Variants in TTLL6 observed in about 807,000 individuals in gnomAD.
TTLL6 encodes tubulin polyglutamylase TTLL6.
TTLL6 carries 75 observed loss-of-function variants against 96.4 expected under a neutral mutation model. The ratio of observed to expected loss-of-function variants is 0.78; its 90% confidence interval spans 0.65 to 0.94. The LOEUF is 0.94. Ranked by LOEUF, TTLL6 falls within the 40% of genes least tolerant of loss-of-function variation. The pLI, the probability that TTLL6 is intolerant of heterozygous loss-of-function variation, is 0.00. For missense variants in TTLL6, 1,030 were observed against 1,093.0 expected (o/e 0.94, Z 0.81); for synonymous variants, 411 against 419.4 (o/e 0.98, Z 0.24).
intron 2 of TTLL6, chr17:48,804,472 C>T (rs987477919): frequency 5.9e-5 from 32 of 546,132 alleles, no homozygotes; most frequent in Non-Finnish European, 8.7e-5. Context: ...GACAAATCAG[C>T]GCCTTCTTAA....
intron 1 of TTLL6, among the ~76,000 whole-genome samples, chr17:48,813,877 G>A (rs781347053): frequency 3.9e-5 from 6 of 152,168 alleles, no homozygotes; most frequent in Non-Finnish European, 7.4e-5. Flanking sequence ...CCCTCTGCCA[G>A]TCTGTGCTAG....
chr17:48,808,840 G>C (rs562595459), intron 1 of TTLL6, among the ~76,000 whole-genome samples: 1 of 152,208 alleles, frequency 6.6e-6, no homozygotes, highest in Non-Finnish European at 1.5e-5. Context: ...CAAAGTGCTG[G>C]GATTACAGGC....
At position 48,789,925 on chromosome 17, in the gene TTLL6, A is replaced by C. The variant is rs1377079925; in HGVS notation, c.1400+6T>G. ...AGCCCCGCAAGGCTGGGGAGTGCGA[A>C]TGTACCTCATCTCCCGAGAACAACA... On this transcript the variant is annotated splice_donor_region_variant and intron_variant, in intron 10 of 15. Transcript: ENST00000393382. 6.2e-7 allele frequency: 1 copy of C among 1,613,670 alleles called. No homozygotes were observed. Among genetic ancestry groups the C allele is most frequent in the East Asian group, 2.2e-5 (1 of 44,866 alleles).
intron 1 of TTLL6, among the ~76,000 whole-genome samples, chr17:48,814,515 T>C (rs182224550): frequency 3.3e-5 from 5 of 152,238 alleles, no homozygotes; most frequent in Admixed American, 2.6e-4. Flanking sequence ...CCTTCCATTT[T>C]AGTATAGGGT....
At chr17:48,807,038 AAATT>A (rs907037366) in intron 1 of TTLL6, among the ~76,000 whole-genome samples, 7 of 152,212 alleles carry the variant, frequency 4.6e-5, no homozygotes, top group East Asian at 1.9e-4. Context: ...CTCAAAAAAA[AAATT>A]AATTAATTAA....
chr17:48,782,307 C>T (rs1281262321), intron 13 of TTLL6, among the ~76,000 whole-genome samples: 3 of 151,694 alleles, frequency 2.0e-5, no homozygotes, highest in African/African-American at 4.8e-5. Context: ...GGTTTCACCA[C>T]GTTGGCCAGG....
At chr17:48,781,931 A>G (rs747925036) in intron 13 of TTLL6, among the ~76,000 whole-genome samples, 7 of 152,188 alleles carry the variant, frequency 4.6e-5, no homozygotes, top group Non-Finnish European at 1.0e-4. Flanking sequence ...CTCACCAGAC[A>G]TCAAACTTGC....
intron 8 of TTLL6, among the ~76,000 whole-genome samples, chr17:48,792,088 A>G (rs1218399556): frequency 6.6e-6 from 1 of 152,164 alleles, no homozygotes; most frequent in East Asian, 1.9e-4. Flanking sequence ...AGGGCTGCCC[A>G]CAAGGAAAAG....
intron 15 of TTLL6, among the ~76,000 whole-genome samples, chr17:48,767,052 G>GT (rs1472276355): frequency 1.3e-5 from 2 of 152,122 alleles, no homozygotes; most frequent in Non-Finnish European, 2.9e-5. Flanking sequence ...CTACAGGCAC[G>GT]TGCCATCATG....
At chr17:48,782,597 G>A (rs1212072801) in intron 13 of TTLL6, among the ~76,000 whole-genome samples, 11 of 152,204 alleles carry the variant, frequency 7.2e-5, no homozygotes. Flanking sequence ...AGTGGCATAT[G>A]CCCAAGAAAT....
chr17:48,773,112 G>T (rs144350028), intron 13 of TTLL6, among the ~76,000 whole-genome samples: 1 of 74,166 alleles, frequency 1.3e-5, no homozygotes, highest in African/African-American at 6.2e-5. Flanking sequence ...AACAGTCAGC[G>T]AGTTTGACTA....
intron 9 of TTLL6, 49 bp downstream of exon 9, chr17:48,791,329 G>T: frequency 6.6e-7 from 1 of 1,523,936 alleles, no homozygotes; most frequent in Non-Finnish European, 9.1e-7. Flanking sequence ...GAAGCGGGCT[G>T]GCCCCAATAA....
chr17:48,769,310 T>C, intron 14 of TTLL6, 56 bp from the exon 15 acceptor site: 1 of 1,532,328 alleles, frequency 6.5e-7, no homozygotes, highest in Non-Finnish European at 8.8e-7. Flanking sequence ...TCAGCACAAA[T>C]TCCTGGTGAA....
chr17:48,765,724 C>A, intron 15 of TTLL6: 2 of 152,448 alleles, frequency 1.3e-5, no homozygotes, highest in South Asian at 4.0e-4. Context: ...ATACTGATGC[C>A]AAACTTAGTG....
At chr17:48,777,049 C>CA (rs55732600) in intron 13 of TTLL6, among the ~76,000 whole-genome samples, 111 of 147,718 alleles carry the variant, frequency 7.5e-4, no homozygotes, top group African/African-American at 1.5e-3. Context: ...CACACACACA[C>CA]CCCTAAAAAA....
chr17:48,771,855 A>C (rs1423166322), intron 13 of TTLL6, among the ~76,000 whole-genome samples: 1 of 152,014 alleles, frequency 6.6e-6, no homozygotes, highest in Non-Finnish European at 1.5e-5. Context: ...CAGGAGGATC[A>C]CTTGAGGTCG....
At chr17:48,813,427 C>T (rs1260833036) in intron 1 of TTLL6, among the ~76,000 whole-genome samples, 3 of 152,060 alleles carry the variant, frequency 2.0e-5, no homozygotes, top group South Asian at 2.1e-4. Flanking sequence ...GGTGTGGTGG[C>T]GTGTGCCTGT....
chr17:48,795,582 T>G (rs1052713372), intron 8 of TTLL6, among the ~76,000 whole-genome samples: 1 of 152,044 alleles, frequency 6.6e-6, no homozygotes, highest in African/African-American at 2.4e-5. Flanking sequence ...TTTCCCCCCT[T>G]CTGAGGAATC....
intron 1 of TTLL6, among the ~76,000 whole-genome samples, chr17:48,811,904 T>C (rs2039598203): frequency 6.6e-6 from 1 of 152,198 alleles, no homozygotes; most frequent in South Asian, 2.1e-4. Flanking sequence ...TTTTGCCATG[T>C]TGGCCAGGCT....
Sources: allele counts gnomAD v4.1 joint callset (sites outside exome capture counted in the v4.1 genomes callset), GRCh38; gene constraint gnomAD v4.1.1; transcripts MANE v1.5; gene names NCBI Gene and HGNC (gene_info 2026-07-23, HGNC 2026-07-21).